CCDC30: variants seen among roughly 807,000 people sequenced by gnomAD.
CCDC30 encodes the protein coiled-coil domain-containing protein 30.
Under a neutral mutation model 100.2 loss-of-function variants are expected in CCDC30, and 70 were observed. That is an observed-to-expected ratio of 0.70 (90% CI 0.58 to 0.85). The LOEUF (loss-of-function observed/expected upper bound fraction) is 0.85. Among genes scored for constraint, CCDC30 ranks in the 40% least tolerant of loss-of-function variants. The pLI, the probability that CCDC30 is intolerant of heterozygous loss-of-function variation, is 0.00. For missense variants in CCDC30, 652 were observed against 771.2 expected (o/e 0.85, Z 1.83); for synonymous variants, 233 against 269.5 (o/e 0.86, Z 1.33).
At chr1:42,619,076 T>A (rs2148654700) in intron 11 of CCDC30, among the ~76,000 whole-genome samples, 1 of 152,228 alleles carries the variant, frequency 6.6e-6, no homozygotes, top group East Asian at 1.9e-4. Context: ...TCGGGGTATA[T>A]AATGTAGAAG....
rs4019432 is a variant in CCDC30 at position 42,629,969 on chromosome 1, ATTTTTT to A, written c.1278-7250_1278-7245del. 6.3e-4 allele frequency among the ~76,000 whole-genome samples: 57 copies of A among 90,120 alleles called. No individual in the cohort carries two copies. In the East Asian group the frequency reaches 0.015, roughly 24 times the overall value. 59.1% of individuals were successfully genotyped at this position (90,120 alleles called of 152,430 possible). ...CAATAACTCTTAGATATGTCCCCCT[ATTTTTT>A]TTTTTTTTTTTTTTTTTGAGATGAA... On this transcript the variant is annotated intron_variant, in intron 11 of 16. Transcript: ENST00000668663.
rs140817697 is a variant in CCDC30 at position 42,530,087 on chromosome 1, T to G, written c.456+31171T>G. On this transcript the variant is annotated intron_variant, in intron 6 of 16. Coordinates refer to ENST00000668663, the Ensembl canonical transcript of CCDC30. The stretch of plus-strand genomic sequence containing the variant: ...GGCATTAGTCAGCCTGCTCCTGACA[T>G]GCAACCATGGACATCATCATGGCTC... 5.2e-3 allele frequency among the ~76,000 whole-genome samples: 793 copies of G among 152,278 alleles called. 8 individuals are homozygous for G. The highest frequency in any genetic ancestry group is 0.018 in the African/African-American group (767 of 41,572).
intron 6 of CCDC30, among the ~76,000 whole-genome samples, chr1:42,513,143 CAAG>C (rs979999728): frequency 6.6e-6 from 1 of 152,010 alleles, no homozygotes; most frequent in Non-Finnish European, 1.5e-5. Flanking sequence ...TGTCTCATGC[CAAG>C]AAGATTAAGG....
upstream of CCDC30, among the ~76,000 whole-genome samples, chr1:42,460,850 GC>G (rs1643392065): frequency 6.6e-6 from 1 of 152,250 alleles, no homozygotes; most frequent in Admixed American, 6.5e-5. Flanking sequence ...TCAGTCTGGT[GC>G]CTAGCATTTG....
chr1:42,546,400 ATATATATATATATATATATATATATAT>A (rs1414057247), intron 6 of CCDC30, among the ~76,000 whole-genome samples: 5 of 97,622 alleles, frequency 5.1e-5, no homozygotes, highest in African/African-American at 2.0e-4. Flanking sequence ...AAAAAAAAAA[ATATATATATATATATATATATATATAT>A]ATATATATAT....
chr1:42,511,271 C>T lies in CCDC30; in HGVS notation c.456+12355C>T, dbSNP rs146189751. On this transcript the variant is annotated intron_variant, in intron 6 of 16. Transcript: ENST00000668663. ...TTACCCATGTGACTCTAGTCCTCCA[C>T]TTGTGATTTCCCTTTGACTTCCTAG... Among the ~76,000 whole-genome samples, 793 of 152,264 alleles carry T rather than the reference C, an allele frequency of 5.2e-3. 8 individuals are homozygous for T. Among genetic ancestry groups the T allele is most frequent in the African/African-American group, 0.018 (765 of 41,558 alleles).
chr1:42,464,850 C>CA (rs1213238149), intron 1 of CCDC30, among the ~76,000 whole-genome samples: 2 of 152,090 alleles, frequency 1.3e-5, no homozygotes, highest in Non-Finnish European at 2.9e-5. Flanking sequence ...TTTCTCAGTC[C>CA]AATAGAAGCA....
chr1:42,526,863 G>A (rs1275195584), intron 6 of CCDC30, among the ~76,000 whole-genome samples: 4 of 152,152 alleles, frequency 2.6e-5, no homozygotes, highest in Admixed American at 6.5e-5. Context: ...TGTTACACAA[G>A]TAAATTTTCA....
chr1:42,557,004 T>C (rs1289675520), intron 6 of CCDC30, among the ~76,000 whole-genome samples: 2 of 152,220 alleles, frequency 1.3e-5, no homozygotes, highest in Non-Finnish European at 2.9e-5. Context: ...GAAATAAAAG[T>C]AGTGACTATA....
At chr1:42,456,648 C>G in the CCDC30 span, 1 of 1,588,008 alleles carries the variant, frequency 6.3e-7, no homozygotes. Context: ...CGCTTCGCGG[C>G]CAGGCTGGGC....
At chr1:42,487,899 C>A (rs1320310949) in intron 3 of CCDC30, among the ~76,000 whole-genome samples, 2 of 152,154 alleles carry the variant, frequency 1.3e-5, no homozygotes, top group African/African-American at 2.4e-5. Flanking sequence ...GATCACAGAA[C>A]CCCGGCACAC....
intron 6 of CCDC30, among the ~76,000 whole-genome samples, chr1:42,540,692 C>CACAG (rs1644996320): frequency 6.6e-6 from 1 of 150,862 alleles, no homozygotes; most frequent in South Asian, 2.1e-4. Flanking sequence ...CACACACACA[C>CACAG]AGTTTTTTAT....
chr1:42,633,600 C>A (rs183997136), intron 11 of CCDC30, among the ~76,000 whole-genome samples: 57 of 152,202 alleles, frequency 3.7e-4, no homozygotes, highest in Middle Eastern at 3.4e-3. Context: ...GAGACCAAAT[C>A]TATCTTTGTC....
intron 6 of CCDC30, among the ~76,000 whole-genome samples, chr1:42,535,918 G>A (rs1264194242): frequency 1.3e-5 from 2 of 149,652 alleles, no homozygotes; most frequent in East Asian, 4.0e-4. Context: ...AAAAGTAAGA[G>A]ATTTAAGTTA....
At chr1:42,469,937 T>A (rs1643712874) in intron 1 of CCDC30, among the ~76,000 whole-genome samples, 1 of 152,164 alleles carries the variant, frequency 6.6e-6, no homozygotes, top group African/African-American at 2.4e-5. Flanking sequence ...TTGAGAAGCT[T>A]GGCTCAGACC....
intron 6 of CCDC30, among the ~76,000 whole-genome samples, chr1:42,513,453 C>A (rs775494232): frequency 5.9e-5 from 9 of 152,134 alleles, no homozygotes; most frequent in Non-Finnish European, 1.2e-4. Flanking sequence ...ATCTTGTCTG[C>A]TCCTTACTGT....
chr1:42,479,478 T>C (rs1643923591), intron 1 of CCDC30, among the ~76,000 whole-genome samples: 1 of 151,534 alleles, frequency 6.6e-6, no homozygotes, highest in Non-Finnish European at 1.5e-5. Flanking sequence ...ATCAACAGAT[T>C]TTCAACAAAG....
At chr1:42,492,968 C>T (rs974685820) in intron 4 of CCDC30, among the ~76,000 whole-genome samples, 1 of 151,926 alleles carries the variant, frequency 6.6e-6, no homozygotes, top group Non-Finnish European at 1.5e-5. Flanking sequence ...ATAAAAAGAC[C>T]ATGCCTTCAG....
At chr1:42,574,630 A>C (rs1162803977) in intron 7 of CCDC30, among the ~76,000 whole-genome samples, 1 of 152,192 alleles carries the variant, frequency 6.6e-6, no homozygotes, top group Non-Finnish European at 1.5e-5. Context: ...AATAATAAAT[A>C]CACATATTTC....
Sources: allele counts gnomAD v4.1 joint callset (sites outside exome capture counted in the v4.1 genomes callset), GRCh38; gene constraint gnomAD v4.1.1; transcripts MANE v1.5; gene names NCBI Gene and HGNC (gene_info 2026-07-23, HGNC 2026-07-21).